The following SLC4A1AP variants were observed in gnomAD, a reference collection of about 807,000 sequenced individuals.
SLC4A1AP encodes solute carrier family 4 member 1 adaptor protein.
In SLC4A1AP, 64 loss-of-function variants were observed where a neutral mutation model predicts 89.7. The ratio of observed to expected loss-of-function variants is 0.71; its 90% CI spans 0.58 to 0.88. The LOEUF is 0.88. SLC4A1AP is among the 40% of genes least tolerant of loss of function. SLC4A1AP has a pLI of 0.00. For missense variants in SLC4A1AP, 931 were observed against 965.0 expected (o/e 0.96, Z 0.47); for synonymous variants, 366 against 353.3 (o/e 1.04, Z -0.40).
At chr2:27,668,703 G>C (rs894668694) in intron 3 of SLC4A1AP, 140 bp from the exon 4 acceptor site, 22 of 795,838 alleles carry the variant, frequency 2.8e-5, no homozygotes, top group Admixed American at 5.6e-5. Context: ...TCCCGCCTCA[G>C]CCTCCCAAAG....
exon 2 of SLC4A1AP, chr2:27,665,204 A>C: frequency 1.2e-6 from 2 of 1,613,916 alleles, no homozygotes; most frequent in African/African-American, 1.3e-5. Flanking sequence ...TGCTAGGAGA[A>C]GACTCAGATG....
intron 2 of SLC4A1AP, among the ~76,000 whole-genome samples, chr2:27,666,352 A>ACCAACCCCCCCCCCCCC (rs1558504861): frequency 2.9e-4 from 1 of 3,424 alleles, no homozygotes; most frequent in Non-Finnish European, 8.8e-4. Context: ...CTTGTGATCC[A>ACCAACCCCCCCCCCCCC]CCCCCCACCC....
intron 5 of SLC4A1AP, among the ~76,000 whole-genome samples, chr2:27,671,789 A>G (rs1202004777): frequency 2.6e-5 from 4 of 152,232 alleles, no homozygotes; most frequent in Non-Finnish European, 4.4e-5. Flanking sequence ...ATAGTCTTCA[A>G]TGAATTTCAC....
chr2:27,670,152 C>T (rs1269335915), intron 5 of SLC4A1AP, among the ~76,000 whole-genome samples: 5 of 149,048 alleles, frequency 3.4e-5, no homozygotes, highest in African/African-American at 4.9e-5. Context: ...CATGAGCCAC[C>T]GCACCTGGCC....
chr2:27,677,884 A>G (rs773242675), exon 8 of SLC4A1AP: 10 of 1,606,698 alleles, frequency 6.2e-6, no homozygotes, highest in Non-Finnish European at 5.9e-6. Context: ...TAAAGGGTTA[A>G]TAAAAATTGT....
At chr2:27,673,722 G>C (rs1019937004) in intron 5 of SLC4A1AP, among the ~76,000 whole-genome samples, 1 of 152,136 alleles carries the variant, frequency 6.6e-6, no homozygotes, top group Admixed American at 6.6e-5. Context: ...GGGATTTAGG[G>C]AAAGAGGGAA....
intron 5 of SLC4A1AP, among the ~76,000 whole-genome samples, chr2:27,673,787 A>G (rs1349734442): frequency 6.6e-6 from 1 of 152,150 alleles, no homozygotes; most frequent in Non-Finnish European, 1.5e-5. Flanking sequence ...GCTTATATTA[A>G]TAAGGACTAT....
At chr2:27,669,248 A>T in exon 5 of SLC4A1AP, 2 of 1,604,186 alleles carry the variant, frequency 1.2e-6, no homozygotes, top group Non-Finnish European at 1.7e-6. Context: ...ATCAATGAAG[A>T]TTACCTGTGG....
At chr2:27,694,815 TG>T (rs1675846811) in exon 14 of SLC4A1AP, 1 of 616,194 alleles carries the variant, frequency 1.6e-6, no homozygotes, top group South Asian at 3.2e-5. Flanking sequence ...TTTCGTTCTG[TG>T]TTCTTGGCTT....
In SLC4A1AP at chr2:27,665,074, T is replaced by A. The variant is rs533285865; in HGVS notation, c.826-26T>A. On this transcript the variant is annotated intron_variant, in intron 1 of 13. Coordinates refer to ENST00000613058, the Ensembl canonical transcript of SLC4A1AP. ...AAGACCCTGTCTCTAAATAAATAAA[T>A]AACCTTTTTTTCCTTGGTTCATCAG... 34 of 1,574,810 alleles carry A rather than the reference T, an allele frequency of 2.2e-5. No individual in the cohort carries two copies. The South Asian group carries it at 3.4e-4, about 16-fold the overall frequency.
At chr2:27,665,005 T>A (rs1051032898) in intron 1 of SLC4A1AP, 95 bp from the exon 2 acceptor site, 4 of 886,180 alleles carry the variant, frequency 4.5e-6, no homozygotes, top group Non-Finnish European at 6.9e-6. Context: ...TGCAGTGAGG[T>A]GTATTACAGC....
exon 14 of SLC4A1AP, chr2:27,694,673 A>G: frequency 6.3e-7 from 1 of 1,579,796 alleles, no homozygotes; most frequent in Non-Finnish European, 8.6e-7. Context: ...AATGACAAGT[A>G]TGGCTATTGA....
chr2:27,664,152 G>A lies in SLC4A1AP; in HGVS notation c.400G>A (p.Glu134Lys), dbSNP rs199807557. Residue 134 changes from glutamate to lysine, a missense_variant, in exon 1 of 14, where the codon GAG becomes AAG. Transcript: ENST00000613058. ...CGGTGATTTTAGGAGTCTACAGGAG[G>A]AGCAGTCGCGCCCCCCGACAGCGGT... The A allele has an allele frequency of 9.3e-6, 15 of 1,614,154 alleles. No homozygotes were observed. In the African/African-American group the frequency reaches 1.9e-4, roughly 20 times the overall value.
chr2:27,682,532 T>TC (rs1193104436), intron 9 of SLC4A1AP, among the ~76,000 whole-genome samples, 173 bp downstream of exon 9: 1 of 151,246 alleles, frequency 6.6e-6, no homozygotes, highest in East Asian at 1.9e-4. Flanking sequence ...TTCTTTTTTT[T>TC]TTTTTTTTTT....
At chr2:27,686,351 A>G (rs1208957566) in intron 10 of SLC4A1AP, among the ~76,000 whole-genome samples, 1 of 152,244 alleles carries the variant, frequency 6.6e-6, no homozygotes, top group Non-Finnish European at 1.5e-5. Context: ...GAAGGTGGAT[A>G]TAAACAGGTC....
rs749251024 is a variant in SLC4A1AP, at chr2:27,681,573, C to T, written c.1764-675C>T. Among the ~76,000 whole-genome samples, 7 of 152,246 alleles carry T rather than the reference C, an allele frequency of 4.6e-5. No homozygotes were observed. The Middle Eastern group carries it at 0.01, about 222-fold the overall frequency. On this transcript the variant is annotated intron_variant, in intron 8 of 13. Coordinates refer to ENST00000613058, the Ensembl canonical transcript of SLC4A1AP. Reference sequence around the variant, plus strand: ...TGCCATATTCTCATTGTCACCTCTGCCTGCTCTGAGTATCTTGTCAACTGA... The same window carrying T: ...TGCCATATTCTCATTGTCACCTCTGTCTGCTCTGAGTATCTTGTCAACTGA...
chr2:27,691,566 T>C (rs1675788212), intron 12 of SLC4A1AP: 1 of 151,914 alleles, frequency 6.6e-6, no homozygotes, highest in Non-Finnish European at 1.5e-5. Flanking sequence ...TTATTTCTTT[T>C]ATGCTAGCTT....
At chr2:27,682,940 A>C (rs867347549) in intron 9 of SLC4A1AP, among the ~76,000 whole-genome samples, 2 of 152,180 alleles carry the variant, frequency 1.3e-5, no homozygotes, top group African/African-American at 4.8e-5. Context: ...ATTTCTCATG[A>C]ATGTTGCATT....
At chr2:27,685,961 C>T (rs1216774781) in intron 10 of SLC4A1AP, among the ~76,000 whole-genome samples, 1 of 152,104 alleles carries the variant, frequency 6.6e-6, no homozygotes, top group African/African-American at 2.4e-5. Flanking sequence ...AAGAAATCCC[C>T]ACAACCCCAC....
Sources: allele counts gnomAD v4.1 joint callset (sites outside exome capture counted in the v4.1 genomes callset), GRCh38; gene constraint gnomAD v4.1.1; transcripts MANE v1.5; gene names NCBI Gene and HGNC (gene_info 2026-07-23, HGNC 2026-07-21).